CLSTN2: variants seen among roughly 807,000 people sequenced by gnomAD.
CLSTN2 encodes the protein calsyntenin 2.
CLSTN2 carries 48 observed loss-of-function variants against 101.2 expected under a neutral mutation model. The observed-to-expected ratio is 0.47, with a 90% CI of 0.38 to 0.60. CLSTN2 has a LOEUF of 0.60. CLSTN2 is among the 20% of genes least tolerant of loss of function. The pLI, the probability that CLSTN2 is intolerant of heterozygous loss-of-function variation, is 0.00. For synonymous variants in CLSTN2, 481 were observed against 463.6 expected (o/e 1.04, Z -0.48); for missense variants, 1,160 against 1,238.2 (o/e 0.94, Z 0.95).
intron 1 of CLSTN2, among the ~76,000 whole-genome samples, chr3:139,957,288 T>C (rs889184138): frequency 2.6e-5 from 4 of 151,788 alleles, no homozygotes; most frequent in Admixed American, 6.6e-5. Flanking sequence ...CACCACTTAC[T>C]CTCCCAGCAG....
At chr3:140,139,766 T>A (rs1213530630) in intron 1 of CLSTN2, among the ~76,000 whole-genome samples, 1 of 152,254 alleles carries the variant, frequency 6.6e-6, no homozygotes, top group Non-Finnish European at 1.5e-5. Context: ...ACTCACATTC[T>A]TATTGGACTA....
At chr3:140,133,913 T>A (rs9289599) in intron 1 of CLSTN2, among the ~76,000 whole-genome samples, 134,089 of 152,200 alleles carry the variant, frequency 0.88, 59,204 homozygotes, top group African/African-American at 0.93. Flanking sequence ...GTAGTTTCAA[T>A]GTTACTATTC....
intron 2 of CLSTN2, among the ~76,000 whole-genome samples, chr3:140,265,233 G>T (rs1360319769): frequency 6.6e-6 from 1 of 152,144 alleles, no homozygotes; most frequent in Non-Finnish European, 1.5e-5. Context: ...GCCCTTTATG[G>T]CTGGGGAGAC....
chr3:140,126,689 C>T (rs964461206), intron 1 of CLSTN2, among the ~76,000 whole-genome samples: 2 of 152,166 alleles, frequency 1.3e-5, no homozygotes, highest in Non-Finnish European at 2.9e-5. Flanking sequence ...CCAATATTTT[C>T]CTAATGACCT....
chr3:140,270,848 A>G (rs9832921), intron 2 of CLSTN2, among the ~76,000 whole-genome samples: 1 of 152,220 alleles, frequency 6.6e-6, no homozygotes, highest in Non-Finnish European at 1.5e-5. Context: ...CCTGTAGTCC[A>G]GAGCAGTCTG....
intron 1 of CLSTN2, among the ~76,000 whole-genome samples, chr3:140,049,790 G>A (rs2007955993): frequency 6.6e-6 from 1 of 152,214 alleles, no homozygotes. Context: ...CCCTCAAAAG[G>A]TGATCACAGT....
At chr3:140,505,065 A>G (rs377378921) in intron 8 of CLSTN2, among the ~76,000 whole-genome samples, 19 of 140,386 alleles carry the variant, frequency 1.4e-4, no homozygotes, top group African/African-American at 5.5e-4. Flanking sequence ...TAGTTCAAAG[A>G]AAGTATCTTT....
At chr3:140,428,728 A>T (rs112260108) in intron 5 of CLSTN2, among the ~76,000 whole-genome samples, 2,370 of 152,346 alleles carry the variant, frequency 0.016, 57 homozygotes, top group African/African-American at 0.052. Context: ...ATTTAAAAGG[A>T]AAAGAAAGAG....
At chr3:140,548,715 A>C (rs1418238418) in intron 10 of CLSTN2, among the ~76,000 whole-genome samples, 1 of 152,222 alleles carries the variant, frequency 6.6e-6, no homozygotes, top group Non-Finnish European at 1.5e-5. Context: ...TGCAGGAGGA[A>C]AAAGATGGAA....
chr3:140,420,938 AT>A (rs2088498055), intron 4 of CLSTN2, among the ~76,000 whole-genome samples, 186 bp from the exon 5 acceptor site: 1 of 152,216 alleles, frequency 6.6e-6, no homozygotes, highest in Admixed American at 6.5e-5. Flanking sequence ...GTTCCCAGGA[AT>A]TTGCCACCAA....
chr3:140,254,033 C>G (rs528294717), intron 2 of CLSTN2, among the ~76,000 whole-genome samples: 21 of 152,086 alleles, frequency 1.4e-4, no homozygotes, highest in Admixed American at 5.9e-4. Context: ...TTGTGGGTCC[C>G]TTACCTAATT....
intron 8 of CLSTN2, among the ~76,000 whole-genome samples, chr3:140,522,096 T>A (rs1935042533): frequency 6.6e-6 from 1 of 152,208 alleles, no homozygotes; most frequent in African/African-American, 2.4e-5. Flanking sequence ...CAAAAATCTG[T>A]GGGAGAAGCA....
At chr3:140,421,987 G>C (rs957126462) in intron 5 of CLSTN2, among the ~76,000 whole-genome samples, 3 of 152,120 alleles carry the variant, frequency 2.0e-5, no homozygotes, top group Non-Finnish European at 2.9e-5. Flanking sequence ...AGATCTGGTG[G>C]CTGAGCAGGG....
At chr3:140,131,304 G>GA (rs1265944722) in intron 1 of CLSTN2, among the ~76,000 whole-genome samples, 1 of 63,706 alleles carries the variant, frequency 1.6e-5, no homozygotes, top group African/African-American at 3.3e-5. Flanking sequence ...GTTTCTTTAT[G>GA]ATTTTTTTTT....
chr3:140,073,228 G>A (rs1298314947), intron 1 of CLSTN2, among the ~76,000 whole-genome samples: 1 of 152,140 alleles, frequency 6.6e-6, no homozygotes, highest in African/African-American at 2.4e-5. Context: ...CCTGTAATGT[G>A]GTGAAATTGT....
chr3:140,253,846 G>T (rs548510218), intron 2 of CLSTN2, among the ~76,000 whole-genome samples: 9 of 152,058 alleles, frequency 5.9e-5, no homozygotes, highest in African/African-American at 2.2e-4. Context: ...AGACTTGTGG[G>T]ATTCCTTGAT....
At chr3:140,345,371 C>T (rs1251635660) in intron 2 of CLSTN2, among the ~76,000 whole-genome samples, 1 of 151,676 alleles carries the variant, frequency 6.6e-6, no homozygotes, top group African/African-American at 2.4e-5. Flanking sequence ...GCCTCAGCCT[C>T]CCGAGTAGCT....
chr3:140,541,941 A>G lies in CLSTN2; in HGVS notation c.1508-4574A>G, dbSNP rs372423122. Among the ~76,000 whole-genome samples the G allele has an allele frequency of 1.8e-4, 27 of 152,204 alleles. No homozygotes were observed. In the East Asian group the frequency reaches 4.1e-3, roughly 23 times the overall value. On this transcript the variant is annotated intron_variant, in intron 9 of 16. Coordinates refer to ENST00000458420, the MANE Select transcript of CLSTN2 (RefSeq NM_022131.3). Reference sequence around the variant, plus strand: ...CCCTTCTACTCTTCTCTCTGCCATGACCCTCCCTGCGACAATGAGCTAGAA... The same window carrying G: ...CCCTTCTACTCTTCTCTCTGCCATGGCCCTCCCTGCGACAATGAGCTAGAA...
In CLSTN2 at chr3:140,566,337, C is replaced by T; in HGVS notation, c.*84C>T. 1 of 1,342,548 alleles carries T rather than the reference C, an allele frequency of 7.4e-7. No homozygotes were observed. Among genetic ancestry groups the T allele is most frequent in the Non-Finnish European group, 1.0e-6 (1 of 964,684 alleles). 83.2% of individuals were successfully genotyped at this position (1,342,548 alleles called of 1,614,324 possible). ...TGCCCATGTCTATCATACCTCACCT[C>T]TGATGTCTGTGACATGTCTGGGAAG... On this transcript the variant is annotated 3_prime_UTR_variant, in exon 17 of 17. Coordinates refer to ENST00000458420, the MANE Select transcript of CLSTN2 (RefSeq NM_022131.3).
Sources: allele counts gnomAD v4.1 joint callset (sites outside exome capture counted in the v4.1 genomes callset), GRCh38; gene constraint gnomAD v4.1.1; transcripts MANE v1.5; gene names NCBI Gene and HGNC (gene_info 2026-07-23, HGNC 2026-07-21).